The following SLC35F2 variants were observed in gnomAD, a reference collection of about 807,000 sequenced individuals.
SLC35F2 encodes queuine/queuosine transporter SLC35F2.
In SLC35F2, 25 loss-of-function variants were observed where a neutral mutation model predicts 38.1. The observed-to-expected ratio is 0.66, with a 90% CI of 0.48 to 0.92. SLC35F2 has a LOEUF of 0.92. Among genes scored for constraint, SLC35F2 ranks in the 40% least tolerant of loss-of-function variants. SLC35F2 has a pLI of 0.00. For missense variants in SLC35F2, 409 were observed against 452.9 expected (o/e 0.90, Z 0.88); for synonymous variants, 173 against 181.7 (o/e 0.95, Z 0.38).
At chr11:107,814,118 CAA>C (rs2134789973) in intron 2 of SLC35F2, among the ~76,000 whole-genome samples, 1 of 152,114 alleles carries the variant, frequency 6.6e-6, no homozygotes, top group East Asian at 1.9e-4. Context: ...GATTCAAAAG[CAA>C]GTAGTAAACT....
chr11:107,795,161 T>C (rs538154726), intron 7 of SLC35F2, among the ~76,000 whole-genome samples: 2 of 152,292 alleles, frequency 1.3e-5, no homozygotes, highest in African/African-American at 2.4e-5. Context: ...AAAATATCAA[T>C]GTTATTTTTC....
Position 107,834,582 on chromosome 11 carries a change from G to A in SLC35F2, c.111-18617C>T, listed in dbSNP as rs576265744. Among the ~76,000 whole-genome samples, 21 of 152,176 alleles carry A rather than the reference G, an allele frequency of 1.4e-4. No homozygotes were observed. In the South Asian group the frequency reaches 2.9e-3, roughly 21 times the overall value. ...GGAGAATCACTTGAACCCAGGAGGC[G>A]GAGGTTGCAGTGAGCCGAGATCGCG... On this transcript the variant is annotated intron_variant, in intron 1 of 7. Coordinates refer to ENST00000525815, the MANE Select transcript of SLC35F2 (RefSeq NM_017515.5).
intron 1 of SLC35F2, among the ~76,000 whole-genome samples, chr11:107,845,532 A>G (rs1320921026): frequency 1.3e-5 from 2 of 151,558 alleles, no homozygotes; most frequent in South Asian, 2.1e-4. Flanking sequence ...AAAAAACAAG[A>G]AAGGAAAAAG....
chr11:107,818,366 G>A (rs1429565300), intron 1 of SLC35F2, among the ~76,000 whole-genome samples: 4 of 152,118 alleles, frequency 2.6e-5, no homozygotes, highest in Non-Finnish European at 5.9e-5. Flanking sequence ...AAGAGGCAGA[G>A]GTTAGAGTGA....
intron 7 of SLC35F2, among the ~76,000 whole-genome samples, chr11:107,796,335 A>T (rs533093028): frequency 6.6e-6 from 1 of 152,348 alleles, no homozygotes; most frequent in Non-Finnish European, 1.5e-5. Flanking sequence ...TCATCTGTTT[A>T]TTGCAGCACT....
intron 2 of SLC35F2, among the ~76,000 whole-genome samples, chr11:107,814,015 TTACTC>T (rs1310759737): frequency 3.3e-5 from 5 of 152,082 alleles, no homozygotes. Flanking sequence ...ATGAAATAAA[TTACTC>T]TAATTTCCTA....
intron 1 of SLC35F2, among the ~76,000 whole-genome samples, chr11:107,822,722 TCAGA>T (rs1193009078): frequency 3.3e-5 from 5 of 151,896 alleles, no homozygotes; most frequent in African/African-American, 1.2e-4. Flanking sequence ...GTGTGAGGAG[TCAGA>T]CAGACCTCAC....
At chr11:107,843,261 C>A (rs142053318) in intron 1 of SLC35F2, among the ~76,000 whole-genome samples, 1 of 152,032 alleles carries the variant, frequency 6.6e-6, no homozygotes, top group African/African-American at 2.4e-5. Flanking sequence ...CGGGAACTTA[C>A]TATATTAAAA....
Position 107,806,800 on chromosome 11 carries a change from T to G in SLC35F2, c.491A>C (p.His164Pro). 1 of 1,614,050 alleles carries G rather than the reference T, an allele frequency of 6.2e-7. No homozygotes were observed. Among genetic ancestry groups the G allele is most frequent in the African/African-American group, 1.3e-5 (1 of 75,030 alleles). ...CAGACAGACAGCCACGGCGATGAAG[T>G]GGATCACTCTGTATCTTGCATGAAG... ...FILHARYRVI[H>P]FIAVAVCLLG... Residue 164 changes from histidine (H) to proline (P), a missense_variant, in exon 4 of 8, where the codon CAC (histidine) becomes CCC (proline). Coordinates refer to ENST00000525815, the MANE Select transcript of SLC35F2 (RefSeq NM_017515.5).
At chr11:107,798,947 G>A (rs1859263544) in intron 7 of SLC35F2, among the ~76,000 whole-genome samples, 2 of 152,248 alleles carry the variant, frequency 1.3e-5, no homozygotes, top group East Asian at 1.9e-4. Context: ...TTGGTGGCAG[G>A]TGCCTGTAAT....
intron 7 of SLC35F2, among the ~76,000 whole-genome samples, chr11:107,799,614 G>A (rs189713355): frequency 9.9e-5 from 15 of 152,124 alleles, no homozygotes; most frequent in Admixed American, 6.5e-4. Flanking sequence ...TTGTTTAGAC[G>A]GAGTCTCACC....
intron 1 of SLC35F2, among the ~76,000 whole-genome samples, chr11:107,846,161 TAGA>T (rs1312836610): frequency 6.6e-6 from 1 of 151,114 alleles, no homozygotes; most frequent in Admixed American, 6.6e-5. Flanking sequence ...GTTAATACAG[TAGA>T]AATCATAATT....
At chr11:107,821,969 G>A (rs1246199470) in intron 1 of SLC35F2, among the ~76,000 whole-genome samples, 1 of 152,212 alleles carries the variant, frequency 6.6e-6, no homozygotes, top group African/African-American at 2.4e-5. Context: ...CAGGCACAGT[G>A]GCTTATGCCT....
intron 1 of SLC35F2, among the ~76,000 whole-genome samples, chr11:107,852,110 A>G (rs928720161): frequency 6.6e-6 from 1 of 152,120 alleles, no homozygotes; most frequent in African/African-American, 2.4e-5. Flanking sequence ...ACCTGTTGCT[A>G]GACAATAACA....
Position 107,805,657 on chromosome 11 carries a change from AGT to A in SLC35F2, c.575-144_575-143del, listed in dbSNP as rs143463654. 1,963 of 1,414,528 alleles carry A rather than the reference AGT, an allele frequency of 1.4e-3. 1 individual carries two copies. The highest frequency in any genetic ancestry group is 4.3e-3 in the East Asian group (158 of 37,048). 87.6% of individuals were successfully genotyped at this position (1,414,528 alleles called of 1,614,324 possible). A position where few individuals can be genotyped will look rare whatever the true frequency, so the allele number is the denominator to read the frequency against. On this transcript the variant is annotated intron_variant, in intron 4 of 7. Coordinates refer to ENST00000525815, the MANE Select transcript of SLC35F2 (RefSeq NM_017515.5). ...TGGTTACTAGAAGTTTATGTGTGAG[AGT>A]GTGTGTGTGTGTATGTGTGTGTGTG...
intron 1 of SLC35F2, among the ~76,000 whole-genome samples, chr11:107,818,878 C>T (rs1198034053): frequency 6.6e-6 from 1 of 152,126 alleles, no homozygotes; most frequent in African/African-American, 2.4e-5. Flanking sequence ...TGGTGGCTCA[C>T]GCCTGTAATT....
At chr11:107,850,272 G>A (rs1565442691) in intron 1 of SLC35F2, among the ~76,000 whole-genome samples, 1 of 152,150 alleles carries the variant, frequency 6.6e-6, no homozygotes, top group Non-Finnish European at 1.5e-5. Flanking sequence ...TGTTTGTGGA[G>A]GCTGGGAGTT....
intron 7 of SLC35F2, among the ~76,000 whole-genome samples, chr11:107,796,179 A>T (rs1054239113): frequency 1.1e-4 from 16 of 152,186 alleles, no homozygotes; most frequent in Non-Finnish European, 2.4e-4. Flanking sequence ...GTGGGAATGT[A>T]AATTAGTATA....
intron 4 of SLC35F2, chr11:107,806,505 C>T (rs373522782): frequency 3.4e-5 from 18 of 525,482 alleles, no homozygotes; most frequent in Admixed American, 5.8e-5. Flanking sequence ...TCCAAGGAGA[C>T]GTTTAACTCA....
Sources: allele counts gnomAD v4.1 joint callset (sites outside exome capture counted in the v4.1 genomes callset), GRCh38; gene constraint gnomAD v4.1.1; transcripts MANE v1.5; gene names NCBI Gene and HGNC (gene_info 2026-07-23, HGNC 2026-07-21).